The following DNAH9 variants were observed in gnomAD, a reference collection of about 807,000 sequenced individuals.
DNAH9 encodes the protein DNAH9 variant protein.
In DNAH9, 345 loss-of-function variants were observed where a neutral mutation model predicts 471.6. The observed-to-expected ratio is 0.73, with a 90% CI of 0.67 to 0.80. The LOEUF (loss-of-function observed/expected upper bound fraction) is 0.80, where lower values mean the gene tolerates loss of function less well. Ranked by LOEUF, DNAH9 falls within the 30% of genes least tolerant of loss-of-function variation. The probability of loss-of-function intolerance (pLI) is 0.00; values close to 1 mark genes in which losing one functional copy is unlikely to be tolerated. For synonymous variants in DNAH9, 2,093 were observed against 2,123.6 expected (o/e 0.99, Z 0.40); for missense variants, 5,407 against 5,609.2 (o/e 0.96, Z 1.15).
intron 57 of DNAH9, among the ~76,000 whole-genome samples, chr17:11,890,743 C>G (rs146229795): frequency 4.7e-3 from 709 of 152,236 alleles, no homozygotes; most frequent in Admixed American, 9.5e-3. Context: ...GGGTCTCACT[C>G]TGTTGCCCAG....
intron 68 of DNAH9, among the ~76,000 whole-genome samples, chr17:11,966,977 G>A (rs1976779640): frequency 6.9e-6 from 1 of 144,862 alleles, no homozygotes; most frequent in Non-Finnish European, 1.5e-5. Flanking sequence ...AGAGGTTGCA[G>A]TGAGCCGAGA....
At chr17:11,866,611 C>A (rs564222364) in intron 50 of DNAH9, among the ~76,000 whole-genome samples, 4 of 152,220 alleles carry the variant, frequency 2.6e-5, no homozygotes, top group Non-Finnish European at 5.9e-5. Flanking sequence ...TGTCTGTGCC[C>A]TGCCCCCAGA....
intron 50 of DNAH9, among the ~76,000 whole-genome samples, chr17:11,861,890 T>G (rs1246848395): frequency 5.3e-5 from 8 of 151,366 alleles, no homozygotes; most frequent in South Asian, 2.1e-4. Flanking sequence ...CTTGTAAATT[T>G]GTTTGAGTTC....
At chr17:11,824,926 C>A (rs1244905959) in intron 48 of DNAH9, among the ~76,000 whole-genome samples, 1 of 152,002 alleles carries the variant, frequency 6.6e-6, no homozygotes, top group Non-Finnish European at 1.5e-5. Flanking sequence ...CCTCCTCCCC[C>A]TCCTTCTTCT....
At chr17:11,756,432 G>A (rs999742158) in intron 33 of DNAH9, 136 bp from the exon 34 acceptor site, 1 of 652,758 alleles carries the variant, frequency 1.5e-6, no homozygotes, top group South Asian at 1.8e-5. Context: ...GATTTGGGTG[G>A]GGACACAGCC....
chr17:11,761,386 G>T (rs4792171), intron 35 of DNAH9, among the ~76,000 whole-genome samples: 46,970 of 152,132 alleles, frequency 0.31, 7,451 homozygotes, highest in East Asian at 0.37. Flanking sequence ...AAGCGGGGTG[G>T]AGAGAAGAGG....
chr17:11,676,254 C>T (rs2074047521), intron 17 of DNAH9, among the ~76,000 whole-genome samples: 1 of 147,316 alleles, frequency 6.8e-6, no homozygotes, highest in Non-Finnish European at 1.5e-5. Flanking sequence ...CCTATGGTGT[C>T]TCCCTCTTTT....
intron 28 of DNAH9, among the ~76,000 whole-genome samples, chr17:11,738,370 C>G (rs2075381725): frequency 6.6e-6 from 1 of 152,128 alleles, no homozygotes; most frequent in Non-Finnish European, 1.5e-5. Flanking sequence ...TGGCTGTGGG[C>G]AGCCAGATTC....
At chr17:11,949,457 T>C (rs537058079) in intron 67 of DNAH9, among the ~76,000 whole-genome samples, 80 of 152,072 alleles carry the variant, frequency 5.3e-4, no homozygotes, top group Middle Eastern at 3.4e-3. Context: ...TAAGTAGGTG[T>C]CTTTGCTGTA....
rs116827613 is a variant in DNAH9, at chr17:11,852,140, C to G, written c.9508-1863C>G. Among the ~76,000 whole-genome samples the G allele has an allele frequency of 5.2e-3, 789 of 152,308 alleles. 9 individuals are homozygous for G. The highest frequency in any genetic ancestry group is 0.018 in the African/African-American group (763 of 41,556). On this transcript the variant is annotated intron_variant, in intron 49 of 68. Transcript: ENST00000262442. ...AATGAAAGGAGCATCTGCCACAGTA[C>G]TTCCATTCGGAGCTAGAAATAATTC... is the stretch of plus-strand genomic sequence containing the variant.
At chr17:11,735,963 A>G (rs2075340396) in intron 28 of DNAH9, among the ~76,000 whole-genome samples, 3 of 152,146 alleles carry the variant, frequency 2.0e-5, no homozygotes, top group South Asian at 2.1e-4. Flanking sequence ...GAGCTGCTCC[A>G]CTTACCAACT....
chr17:11,810,445 T>G lies in DNAH9; in HGVS notation c.8707+76T>G, dbSNP rs116586871. On this transcript the variant is annotated intron_variant, in intron 45 of 68. Coordinates refer to ENST00000262442, the MANE Select transcript of DNAH9 (RefSeq NM_001372.4). ...GAGTTATACAAAGGTGAAGATTTCGTCCAGGGTGGGAAGAGTAAGGTCATA... is the reference window on the plus strand; with the variant it reads ...GAGTTATACAAAGGTGAAGATTTCGGCCAGGGTGGGAAGAGTAAGGTCATA... 1.3e-3 allele frequency: 2,029 copies of G among 1,539,998 alleles called. 36 individuals are homozygous for G. The African/African-American group carries it at 0.026, about 19-fold the overall frequency.
At position 11,734,848 on chromosome 17, in the gene DNAH9, G is replaced by A. The variant is rs528844529; in HGVS notation, c.5815-4032G>A. On this transcript the variant is annotated intron_variant, in intron 28 of 68. Transcript: ENST00000262442. ...CTTTGAGTCTGTTCAACACCCTCCCGTCTGAGAGAGGGAGGTCAGTATGCA... is the reference window on the plus strand; with the variant it reads ...CTTTGAGTCTGTTCAACACCCTCCCATCTGAGAGAGGGAGGTCAGTATGCA... Among the ~76,000 whole-genome samples, 7 of 152,192 alleles carry A rather than the reference G, an allele frequency of 4.6e-5. No individual in the cohort carries two copies. The East Asian group carries it at 5.8e-4, about 13-fold the overall frequency.
intron 26 of DNAH9, among the ~76,000 whole-genome samples, chr17:11,709,850 G>A (rs893660408): frequency 2.0e-5 from 3 of 152,100 alleles, no homozygotes; most frequent in Admixed American, 6.6e-5. Context: ...TTAATCAACT[G>A]CTTATCAATG....
intron 28 of DNAH9, among the ~76,000 whole-genome samples, chr17:11,729,677 G>A (rs1328513341): frequency 6.6e-6 from 1 of 152,098 alleles, no homozygotes; most frequent in Non-Finnish European, 1.5e-5. Context: ...AAGGGGGGTG[G>A]GAGGAAACAT....
At chr17:11,641,366 G>A (rs1354305179) in intron 10 of DNAH9, among the ~76,000 whole-genome samples, 2 of 152,138 alleles carry the variant, frequency 1.3e-5, no homozygotes, top group Non-Finnish European at 2.9e-5. Context: ...CAATGATCAA[G>A]GATTCCATTT....
rs145085168 is a variant in DNAH9, at chr17:11,690,199, C to T, written c.4377C>T (p.Val1459=). The T allele has an allele frequency of 1.5e-3, 2,434 of 1,614,216 alleles. 5 individuals carry two copies. The highest frequency in any genetic ancestry group is 1.7e-3 in the Non-Finnish European group (1,994 of 1,180,036). ...FQYEPHPRTN[V]PLLCSDEDLI... is the part of the protein sequence containing the mutation. The stretch of plus-strand genomic sequence containing the variant: ...ATGAGCCCCACCCACGGACCAATGT[C>T]CCCCTCCTGTGCTCTGATGAGGACC... The change falls in exon 20 of 69, where the codon GTC becomes GTT. Residue 1459 remains valine (V), a synonymous_variant. Transcript: ENST00000262442.
chr17:11,616,237 G>C (rs1403917000), intron 4 of DNAH9, among the ~76,000 whole-genome samples: 2 of 152,184 alleles, frequency 1.3e-5, no homozygotes, highest in Non-Finnish European at 2.9e-5. Context: ...CTGGTTTGCA[G>C]GGCTTTCTGT....
At position 11,902,916 on chromosome 17, in the gene DNAH9, G is replaced by T. The variant is rs1323412780; in HGVS notation, c.11600+4G>T. On this transcript the variant is annotated splice_donor_region_variant and intron_variant, in intron 60 of 68. Coordinates refer to ENST00000262442, the MANE Select transcript of DNAH9 (RefSeq NM_001372.4). Reference sequence around the variant, plus strand: ...ACCGGATGACCTATGCTTTGCGGTAGGAAACAGGGTGGTGGAAGGCCCAGC... The same window carrying T: ...ACCGGATGACCTATGCTTTGCGGTATGAAACAGGGTGGTGGAAGGCCCAGC... 1.9e-6 allele frequency: 3 copies of T among 1,611,486 alleles called. No homozygotes were observed. In the Admixed American group the frequency reaches 5.0e-5, roughly 27 times the overall value.
Sources: allele counts gnomAD v4.1 joint callset (sites outside exome capture counted in the v4.1 genomes callset), GRCh38; gene constraint gnomAD v4.1.1; transcripts MANE v1.5; gene names NCBI Gene and HGNC (gene_info 2026-07-23, HGNC 2026-07-21).